RPP30: variants seen among roughly 807,000 people sequenced by gnomAD.
RPP30 encodes ribonuclease P/MRP subunit p30.
In RPP30, 36 loss-of-function variants were observed where a neutral mutation model predicts 38.6. The ratio of observed to expected loss-of-function variants is 0.93; its 90% CI spans 0.71 to 1.23. RPP30 has a LOEUF of 1.23. Among genes scored for constraint, RPP30 ranks in the 50% most tolerant of loss-of-function variants. The pLI is 0.00. For synonymous variants in RPP30, 126 were observed against 112.7 expected (o/e 1.12, Z -0.75); for missense variants, 321 against 321.7 (o/e 1.00, Z 0.02).
chr10:90,874,800 G>A (rs1246255136), intron 1 of RPP30, 69 bp from the exon 2 acceptor site: 7 of 1,038,740 alleles, frequency 6.7e-6, no homozygotes, highest in Non-Finnish European at 1.0e-5. Flanking sequence ...TCTAGACTCA[G>A]GATGGACCTG....
intron 9 of RPP30, 66 bp from the exon 10 acceptor site, chr10:90,896,247 G>A (rs1847137293): frequency 1.4e-6 from 2 of 1,416,470 alleles, no homozygotes; most frequent in East Asian, 4.6e-5. Flanking sequence ...GGCACTTTCT[G>A]TTATGTTTGT....
At position 90,876,116 on chromosome 10, in the gene RPP30, C is replaced by G; in HGVS notation, c.270+18C>G. 1 of 1,464,798 alleles carries G rather than the reference C, an allele frequency of 6.8e-7. No individual in the cohort carries two copies. The highest frequency in any genetic ancestry group is 1.4e-5 in the African/African-American group (1 of 71,810). The allele number at this position is 1,464,798 out of a possible 1,614,324, so 90.7% of individuals were successfully genotyped here. On this transcript the variant is annotated intron_variant, in intron 4 of 10. Coordinates refer to ENST00000371703, the MANE Select transcript of RPP30 (RefSeq NM_006413.5). ...ATGTTTTGGTAAGTTAATTATTTTTCTTCTCTCCTTTTGGCTTTGTGAGTT... is the reference window on the plus strand; with the variant it reads ...ATGTTTTGGTAAGTTAATTATTTTTGTTCTCTCCTTTTGGCTTTGTGAGTT...
At chr10:90,895,148 A>G in intron 7 of RPP30, 1 of 557,410 alleles carries the variant, frequency 1.8e-6, no homozygotes. Flanking sequence ...TGTGAAAGAA[A>G]AGTCTAGAAT....
In RPP30 at chr10:90,901,802, G is replaced by A; in HGVS notation, c.*1123G>A. 1.0e-6 allele frequency: 1 copy of A among 982,578 alleles called. No homozygotes were observed. Among genetic ancestry groups the A allele is most frequent in the Non-Finnish European group, 1.2e-6 (1 of 829,060 alleles). 60.9% of individuals were successfully genotyped at this position (982,578 alleles called of 1,614,324 possible). The stretch of plus-strand genomic sequence containing the variant: ...TAAGCAAGAGAAAGACAACTGTTCT[G>A]CGGGTTGGAGAAAATACAATTTTTT... On this transcript the variant is annotated 3_prime_UTR_variant, in exon 11 of 11. Transcript: ENST00000371703.
downstream of RPP30, among the ~76,000 whole-genome samples, chr10:90,907,435 AC>A (rs1847265549): frequency 6.6e-6 from 1 of 152,236 alleles, no homozygotes; most frequent in Non-Finnish European, 1.5e-5. Flanking sequence ...CAGAAAAGGT[AC>A]AAAAATATTT....
chr10:90,907,127 C>T (rs1204021979), downstream of RPP30, among the ~76,000 whole-genome samples: 2 of 152,184 alleles, frequency 1.3e-5, no homozygotes, highest in African/African-American at 4.8e-5. Context: ...CGTGTACCCT[C>T]CCAGCTCTTT....
chr10:90,900,699 G>A lies in RPP30; in HGVS notation c.*20G>A, dbSNP rs199944590. 3.7e-5 allele frequency: 59 copies of A among 1,608,100 alleles called. No individual in the cohort carries two copies. Among genetic ancestry groups the A allele is most frequent in the Non-Finnish European group, 4.4e-5 (52 of 1,177,846 alleles). On this transcript the variant is annotated 3_prime_UTR_variant, in exon 11 of 11. Transcript: ENST00000371703. ...GGCTGAAAAGAATGCCCCAGTCTCT[G>A]TCAGCACTCCCTTCTTCCCTTTTAT... is the stretch of plus-strand genomic sequence containing the variant.
intron 4 of RPP30, among the ~76,000 whole-genome samples, chr10:90,878,178 A>C (rs184821015): frequency 6.6e-6 from 1 of 152,272 alleles, no homozygotes; most frequent in Admixed American, 6.5e-5. Flanking sequence ...AAAGGAGAGC[A>C]AATCCCAGAT....
rs1020406457 is a variant in RPP30 at position 90,901,696 on chromosome 10, A to G, written c.*1017A>G. The G allele has an allele frequency of 3.9e-5, 38 of 984,190 alleles. No individual in the cohort carries two copies. In the African/African-American group the frequency reaches 5.6e-4, roughly 14 times the overall value. 61.0% of individuals were successfully genotyped at this position (984,190 alleles called of 1,614,324 possible). On this transcript the variant is annotated 3_prime_UTR_variant, in exon 11 of 11. Transcript: ENST00000371703. ...AGTAGAAGTAGCTTTTTATGCAAAT[A>G]CATGCATTTATGCAATATTAATGTA...
At chr10:90,872,502 G>A (rs1221569454) in intron 1 of RPP30, among the ~76,000 whole-genome samples, 1 of 152,162 alleles carries the variant, frequency 6.6e-6, no homozygotes, top group East Asian at 1.9e-4. Flanking sequence ...GAGGACGTGG[G>A]AGTGTTGGAA....
At chr10:90,883,917 A>G (rs370135309) in intron 5 of RPP30, among the ~76,000 whole-genome samples, 2 of 152,252 alleles carry the variant, frequency 1.3e-5, no homozygotes, top group South Asian at 2.1e-4. Context: ...CTTTTTAGAA[A>G]TATTATTTAC....
rs1291143049 is a variant in RPP30 at position 90,900,560 on chromosome 10, T to G, written c.698-10T>G. The G allele has an allele frequency of 2.5e-6, 4 of 1,607,662 alleles. No individual in the cohort carries two copies. The African/African-American group carries it at 5.4e-5, about 22-fold the overall frequency. On this transcript the variant is annotated splice_polypyrimidine_tract_variant and intron_variant, in intron 10 of 10. Coordinates refer to ENST00000371703, the MANE Select transcript of RPP30 (RefSeq NM_006413.5). ...CTTCAAGCACAGTGGTTTCCCTGTT[T>G]GTTTTACAGAAACTAGAAAAACTGC...
At position 90,890,445 on chromosome 10, in the gene RPP30, C is replaced by T. The variant is rs143194474; in HGVS notation, c.433-4330C>T. On this transcript the variant is annotated intron_variant, in intron 6 of 10. Transcript: ENST00000371703. Reference sequence around the variant, plus strand: ...TACACTCTCTCTGATGTTTTCCCCTCAGTCCTTCCTTTAACCCTAATCCAT... The same window carrying T: ...TACACTCTCTCTGATGTTTTCCCCTTAGTCCTTCCTTTAACCCTAATCCAT... Among the ~76,000 whole-genome samples the T allele has an allele frequency of 1.9e-4, 29 of 152,258 alleles. 1 individual carries two copies. The East Asian group carries it at 5.4e-3, about 28-fold the overall frequency.
At chr10:90,878,038 G>A (rs559124623) in intron 4 of RPP30, among the ~76,000 whole-genome samples, 2 of 152,326 alleles carry the variant, frequency 1.3e-5, no homozygotes, top group African/African-American at 2.4e-5. Context: ...CAGCATTCTG[G>A]TTCCTTAGGC....
chr10:90,879,900 A>G lies in RPP30; in HGVS notation c.342+766A>G, dbSNP rs1461140075. 2.0e-5 allele frequency: 3 copies of G among 152,224 alleles called. No individual in the cohort carries two copies. The East Asian group carries it at 5.8e-4, about 29-fold the overall frequency. 9.4% of individuals were successfully genotyped at this position (152,224 alleles called of 1,614,324 possible). ...AAAGTTACCTTTATCTAGGTTCACT[A>G]AAGTGTCCATCCGCCAAAAGTATAA... On this transcript the variant is annotated intron_variant, in intron 5 of 10. Transcript: ENST00000371703.
At chr10:90,895,564 A>T in intron 8 of RPP30, 81 bp downstream of exon 8, 1 of 806,508 alleles carries the variant, frequency 1.2e-6, no homozygotes, top group Non-Finnish European at 1.8e-6. Context: ...TTAAAATAGT[A>T]AATGAATATT....
chr10:90,897,774 TGTAAA>T (rs1164750297), intron 10 of RPP30, among the ~76,000 whole-genome samples: 2 of 151,718 alleles, frequency 1.3e-5, no homozygotes, highest in Non-Finnish European at 1.5e-5. Flanking sequence ...ACACATAATA[TGTAAA>T]GTATTTTTTT....
At chr10:90,895,812 T>G in intron 8 of RPP30, 68 bp from the exon 9 acceptor site, 1 of 1,136,716 alleles carries the variant, frequency 8.8e-7, no homozygotes, top group African/African-American at 1.6e-5. Flanking sequence ...TTTCTATTAA[T>G]TTGCTATAAG....
chr10:90,876,472 A>G (rs1846853710), intron 4 of RPP30, among the ~76,000 whole-genome samples: 1 of 152,208 alleles, frequency 6.6e-6, no homozygotes, highest in Non-Finnish European at 1.5e-5. Context: ...AAATGTAAGG[A>G]ATGTTCCAAG....
Sources: gnomAD v4.1 joint callset for allele counts (sites outside exome capture counted in the v4.1 genomes callset) on GRCh38, gnomAD v4.1.1 for gene constraint, MANE v1.5 for transcripts, NCBI Gene and HGNC (gene_info 2026-07-23, HGNC 2026-07-21) for gene names.